The following ANKEF1 variants were observed in gnomAD, a reference collection of about 807,000 sequenced individuals.
ANKEF1 encodes the protein ankyrin repeat and EF-hand domain containing 1.
ANKEF1 carries 43 observed loss-of-function variants against 65.1 expected under a neutral mutation model. The ratio of observed to expected loss-of-function variants is 0.66; its 90% CI spans 0.52 to 0.85. The LOEUF (loss-of-function observed/expected upper bound fraction) is 0.85, where lower values mean the gene tolerates loss of function less well. Among genes scored for constraint, ANKEF1 ranks in the 40% least tolerant of loss-of-function variants. ANKEF1 has a pLI of 0.00. For synonymous variants in ANKEF1, 316 were observed against 341.5 expected (o/e 0.93, Z 0.82); for missense variants, 934 against 952.9 (o/e 0.98, Z 0.26).
In ANKEF1 at chr20:10,043,251, A is replaced by T; in HGVS notation, c.476A>T (p.Asp159Val). The change falls in exon 4 of 11, where the codon GAT becomes GTT. Residue 159 changes from aspartate to valine, a missense_variant. Coordinates refer to ENST00000378392, the MANE Select transcript of ANKEF1 (RefSeq NM_022096.6). ...GKPIFLRACE[D>V]AHDVKDVCLT... ...CCAATATTCCTTAGAGCTTGTGAAG[A>T]TGCACATGATGTTAAAGATGTGTGC... The T allele has an allele frequency of 2.5e-6, 4 of 1,614,220 alleles. No individual in the cohort carries two copies. Among genetic ancestry groups the T allele is most frequent in the Non-Finnish European group, 3.4e-6 (4 of 1,180,032 alleles).
rs1197039298 is a variant in ANKEF1 at position 10,056,624 on chromosome 20, A to C, written c.*964A>C. The C allele has an allele frequency of 6.6e-6, 1 of 152,104 alleles. No individual in the cohort carries two copies. The highest frequency in any genetic ancestry group is 1.5e-5 in the Non-Finnish European group (1 of 68,036). 9.4% of individuals were successfully genotyped at this position (152,104 alleles called of 1,614,324 possible). A position where few individuals can be genotyped will look rare whatever the true frequency, so the allele number is the denominator to read the frequency against. ...TGTAGGGTAGGCTATCAGGAAGTGC[A>C]GGCTGGAAACATGCAGGAGCTGTCC... On this transcript the variant is annotated 3_prime_UTR_variant, in exon 11 of 11. Transcript: ENST00000378392.
In ANKEF1 at chr20:10,044,534, C is replaced by G. The variant is rs376290119; in HGVS notation, c.687C>G (p.Gly229=). ...HHAAHFAAKG[G]FFDILKLLFA... ...CTGCTCATTTTGCTGCTAAAGGAGGCTTTTTCGATGTAATAATCTATTCTT... is the reference window on the plus strand; with the variant it reads ...CTGCTCATTTTGCTGCTAAAGGAGGGTTTTTCGATGTAATAATCTATTCTT... The change falls in exon 5 of 11, where the codon GGC becomes GGG. Residue 229 remains glycine (G), a synonymous_variant. Transcript: ENST00000378392. 1.9e-6 allele frequency: 3 copies of G among 1,613,764 alleles called. No homozygotes were observed. The highest frequency in any genetic ancestry group is 2.7e-5 in the African/African-American group (2 of 74,854).
intron 3 of ANKEF1, among the ~76,000 whole-genome samples, chr20:10,042,155 A>G (rs1192043067): frequency 6.6e-6 from 1 of 152,080 alleles, no homozygotes; most frequent in Non-Finnish European, 1.5e-5. Context: ...GACCCAACGT[A>G]CCCTTTTAAT....
chr20:10,035,780 A>G (rs559574426), intron 2 of ANKEF1, 138 bp downstream of exon 2: 5 of 152,380 alleles, frequency 3.3e-5, no homozygotes, highest in South Asian at 2.1e-4. Context: ...TCCTCTTTCT[A>G]ATGATCCTTC....
At chr20:10,055,466 C>T (rs1428801295) in intron 10 of ANKEF1, 36 bp from the exon 11 acceptor site, 1 of 1,604,520 alleles carries the variant, frequency 6.2e-7, no homozygotes, top group South Asian at 1.1e-5. Flanking sequence ...CTGTCATACT[C>T]ATACCTGCTG....
intron 10 of ANKEF1, among the ~76,000 whole-genome samples, chr20:10,055,291 T>TCGTG (rs1229107457): frequency 8.0e-4 from 122 of 152,292 alleles, no homozygotes; most frequent in African/African-American, 2.7e-3. Context: ...ACAGTCATCA[T>TCGTG]CAAAAACAGT....
intron 3 of ANKEF1, among the ~76,000 whole-genome samples, chr20:10,042,215 T>A (rs1447154698): frequency 3.3e-5 from 5 of 152,206 alleles, no homozygotes; most frequent in Non-Finnish European, 7.3e-5. Context: ...CAAGTTATAT[T>A]TAGTTTCTTT....
At position 10,039,848 on chromosome 20, in the gene ANKEF1, A is replaced by AT. The variant is rs201135794; in HGVS notation, c.346+1209dup. Reference sequence around the variant, plus strand: ...TCCATATTTATTTGACCACAAAATAATTTTTTTTAATGACATCTTATATGC... The same window carrying AT: ...TCCATATTTATTTGACCACAAAATAATTTTTTTTTAATGACATCTTATATGC... On this transcript the variant is annotated intron_variant, in intron 3 of 10. Coordinates refer to ENST00000378392, the MANE Select transcript of ANKEF1 (RefSeq NM_022096.6). Among the ~76,000 whole-genome samples the AT allele has an allele frequency of 6.0e-3, 910 of 152,170 alleles. 7 individuals are homozygous for AT. Among genetic ancestry groups the AT allele is most frequent in the African/African-American group, 0.021 (887 of 41,534 alleles).
chr20:10,055,554 G>A lies in ANKEF1; in HGVS notation c.2225G>A (p.Arg742Gln), dbSNP rs6087119. The change falls in exon 11 of 11, where the codon CGG (arginine) becomes CAG (glutamine). Residue 742 changes from arginine to glutamine, a missense_variant. By Grantham distance (43) the Arg-to-Gln change is conservative (BLOSUM62 1). Coordinates refer to ENST00000378392, the MANE Select transcript of ANKEF1 (RefSeq NM_022096.6). ...TAELIRKRELRRERFTHEVDF... is the reference protein window; with the variant it reads ...TAELIRKRELQRERFTHEVDF... ...GAGCTGATCAGGAAGAGGGAACTAC[G>A]GCGAGAGAGGTTTACACATGAGGTG... 0.11 allele frequency: 177,454 copies of A among 1,613,440 alleles called. 10,641 individuals are homozygous for A. The highest frequency in any genetic ancestry group is 0.12 in the Non-Finnish European group (146,562 of 1,179,586).
In ANKEF1 at chr20:10,051,697, A is replaced by G. The variant is rs970721495; in HGVS notation, c.1678A>G (p.Thr560Ala). ...TAATGCAACAGATAACTTTCTGTGG[A>G]CTCCACTTCATTTTGCATGCCATGC... ...NVNATDNFLWTPLHFACHAGQ... is the reference protein window; with the variant it reads ...NVNATDNFLWAPLHFACHAGQ... The change falls in exon 8 of 11, where the codon ACT becomes GCT. Residue 560 changes from threonine to alanine, a missense_variant. Transcript: ENST00000378392. The G allele has an allele frequency of 5.6e-6, 9 of 1,613,554 alleles. No individual in the cohort carries two copies. The highest frequency in any genetic ancestry group is 6.8e-6 in the Non-Finnish European group (8 of 1,179,736).
At chr20:10,035,723 C>T (rs577081779) in intron 2 of ANKEF1, 81 bp downstream of exon 2, 3 of 152,260 alleles carry the variant, frequency 2.0e-5, no homozygotes, top group South Asian at 4.2e-4. Flanking sequence ...ACGGATTTCC[C>T]CACCTCAAAC....
chr20:10,049,961 TAGC>T lies in ANKEF1; in HGVS notation c.1396_1398del (p.Ser466del). ...TTGAGACCTACAAGAATGTCACTGA[TAGC>T]AGCCGGTTTAATAGAGATCATCCCC... On this transcript the variant is annotated inframe_deletion, in exon 7 of 11. Coordinates refer to ENST00000378392, the MANE Select transcript of ANKEF1 (RefSeq NM_022096.6). The T allele has an allele frequency of 1.9e-6, 3 of 1,614,188 alleles. No homozygotes were observed. Among genetic ancestry groups the T allele is most frequent in the Non-Finnish European group, 1.7e-6 (2 of 1,180,028 alleles).
intron 3 of ANKEF1, among the ~76,000 whole-genome samples, chr20:10,039,580 C>T (rs772603279): frequency 7.9e-5 from 12 of 152,148 alleles, no homozygotes; most frequent in African/African-American, 1.4e-4. Flanking sequence ...AATTGTACCA[C>T]GTAAGAAAAT....
At chr20:10,053,481 CAA>C (rs1204047477) in intron 9 of ANKEF1, among the ~76,000 whole-genome samples, 1 of 151,932 alleles carries the variant, frequency 6.6e-6, no homozygotes, top group South Asian at 2.1e-4. Context: ...GTACTCACTG[CAA>C]AGAGAATCCA....
rs1211960357 is a variant in ANKEF1, at chr20:10,056,492, TAGATGATAGATA to T, written c.*833_*844del. The T allele has an allele frequency of 2.2e-4, 23 of 106,930 alleles. No individual in the cohort carries two copies. The Admixed American group carries it at 2.2e-3, about 10-fold the overall frequency. The allele number at this position is 106,930 out of a possible 1,614,324, so 6.6% of individuals were successfully genotyped here. On this transcript the variant is annotated 3_prime_UTR_variant, in exon 11 of 11. Transcript: ENST00000378392. ...GATAGATAGATGATAGATAGATAGA[TAGATGATAGATA>T]GATAGATAGATAGATAGATAGATAG...
chr20:10,048,618 ATATACT>A (rs1195350963), intron 6 of ANKEF1, among the ~76,000 whole-genome samples: 7 of 152,188 alleles, frequency 4.6e-5, no homozygotes, highest in African/African-American at 9.6e-5. Context: ...TTACTTATAC[ATATACT>A]TATTATAGAC....
chr20:10,052,515 G>A (rs1984922856), intron 8 of ANKEF1, among the ~76,000 whole-genome samples: 1 of 152,132 alleles, frequency 6.6e-6, no homozygotes, highest in Non-Finnish European at 1.5e-5. Flanking sequence ...ATATATTTGA[G>A]CTCCTTGTTT....
At chr20:10,037,347 GC>G (rs1983921219) in intron 2 of ANKEF1, among the ~76,000 whole-genome samples, 1 of 152,198 alleles carries the variant, frequency 6.6e-6, no homozygotes, top group African/African-American at 2.4e-5. Flanking sequence ...CTGCGCCCCA[GC>G]CCCACACCAT....
intron 3 of ANKEF1, chr20:10,040,494 A>G (rs770684259): frequency 6.6e-6 from 1 of 152,216 alleles, no homozygotes; most frequent in Non-Finnish European, 1.5e-5. Flanking sequence ...GTAAAGCTCT[A>G]AGCCAATACA....
Sources: allele counts gnomAD v4.1 joint callset (sites outside exome capture counted in the v4.1 genomes callset), GRCh38; gene constraint gnomAD v4.1.1; transcripts MANE v1.5; gene names NCBI Gene and HGNC (gene_info 2026-07-23, HGNC 2026-07-21).